The following APIP variants were observed in gnomAD, a reference collection of about 807,000 sequenced individuals.
APIP encodes APAF1 interacting protein.
Under a neutral mutation model 32.0 loss-of-function variants are expected in APIP, and 32 were observed. The ratio of observed to expected loss-of-function variants is 1.00; its 90% CI spans 0.76 to 1.34. APIP has a LOEUF of 1.34. Ranked by LOEUF, APIP falls within the 40% of genes most tolerant of loss-of-function variation. The pLI is 0.00. For missense variants in APIP, 247 were observed against 298.6 expected (o/e 0.83, Z 1.27); for synonymous variants, 92 against 94.8 (o/e 0.97, Z 0.17).
chr11:34,899,738 A>C (rs901817280), intron 1 of APIP, among the ~76,000 whole-genome samples: 4 of 152,194 alleles, frequency 2.6e-5, no homozygotes, highest in African/African-American at 9.7e-5. Context: ...CTCTGGTGCC[A>C]TGGCTTGGAG....
chr11:34,909,835 T>A (rs189722239), intron 1 of APIP, among the ~76,000 whole-genome samples: 1 of 152,278 alleles, frequency 6.6e-6, no homozygotes, highest in East Asian at 1.9e-4. Context: ...TGAGCTCTAG[T>A]GGAGGAACTG....
chr11:34,912,435 T>C (rs11606257), intron 1 of APIP, among the ~76,000 whole-genome samples: 7,939 of 152,286 alleles, frequency 0.052, 256 homozygotes, highest in Middle Eastern at 0.099. Flanking sequence ...CTCTCCTAGC[T>C]TGAAAGCAAT....
chr11:34,884,355 C>T (rs183651917), intron 5 of APIP, among the ~76,000 whole-genome samples: 5 of 152,320 alleles, frequency 3.3e-5, no homozygotes, highest in Admixed American at 3.3e-4. Context: ...TGACTGATAA[C>T]TTGGCCAACC....
chr11:34,892,198 A>T (rs1279810675), intron 2 of APIP, among the ~76,000 whole-genome samples: 1 of 152,202 alleles, frequency 6.6e-6, no homozygotes, highest in Non-Finnish European at 1.5e-5. Context: ...AGATATCTGG[A>T]TAAAAATATA....
At chr11:34,902,492 T>TAGGATACATGAAGTATCTG (rs1565137997) in intron 1 of APIP, among the ~76,000 whole-genome samples, 110 of 151,844 alleles carry the variant, frequency 7.2e-4, no homozygotes, top group African/African-American at 2.6e-3. Flanking sequence ...GGATTAGTAC[T>TAGGATACATGAAGTATCTG]GTCCAAGGGG....
intron 1 of APIP, among the ~76,000 whole-genome samples, chr11:34,895,511 T>C (rs1853254879): frequency 6.6e-6 from 1 of 152,152 alleles, no homozygotes. Context: ...GATATATACA[T>C]GAGATATTAT....
intron 2 of APIP, 73 bp downstream of exon 2, chr11:34,894,937 A>G (rs1326940): frequency 0.66 from 849,886 of 1,281,856 alleles, 285,728 homozygotes; most frequent in East Asian, 0.73. Context: ...TGTTCTTTGG[A>G]TATAACACAT....
At chr11:34,884,656 C>T (rs1184122615) in intron 5 of APIP, among the ~76,000 whole-genome samples, 1 of 151,256 alleles carries the variant, frequency 6.6e-6, no homozygotes, top group Non-Finnish European at 1.5e-5. Context: ...GCCTGGGAGG[C>T]GGAGGTTGCA....
At chr11:34,886,504 T>C (rs1327592781) in intron 5 of APIP, among the ~76,000 whole-genome samples, 1 of 151,830 alleles carries the variant, frequency 6.6e-6, no homozygotes, top group Non-Finnish European at 1.5e-5. Flanking sequence ...TATTAAGAAA[T>C]GTTTTCAATA....
chr11:34,889,873 G>A (rs11032916), intron 3 of APIP, among the ~76,000 whole-genome samples: 57,152 of 151,782 alleles, frequency 0.38, 11,125 homozygotes, highest in East Asian at 0.74. Context: ...ATTTTCTTTC[G>A]CCAGTCTACT....
intron 1 of APIP, among the ~76,000 whole-genome samples, chr11:34,912,575 G>A (rs1262877373): frequency 1.3e-5 from 2 of 152,172 alleles, no homozygotes; most frequent in Non-Finnish European, 2.9e-5. Context: ...GCTGGGAAAG[G>A]CAGGCCCACC....
chr11:34,910,297 G>A (rs961698405), intron 1 of APIP, among the ~76,000 whole-genome samples: 2 of 152,166 alleles, frequency 1.3e-5, no homozygotes, highest in Non-Finnish European at 2.9e-5. Flanking sequence ...CAATAGACTG[G>A]GTGTGGAAGC....
At chr11:34,915,960 C>T (rs1209063113) in intron 1 of APIP, 1 of 568,974 alleles carries the variant, frequency 1.8e-6, no homozygotes, top group African/African-American at 2.0e-5. Context: ...TAAACGCTCT[C>T]CTCTCTCAGT....
chr11:34,892,802 T>C (rs1444742257), intron 2 of APIP, among the ~76,000 whole-genome samples: 1 of 152,180 alleles, frequency 6.6e-6, no homozygotes, highest in South Asian at 2.1e-4. Context: ...ACATAATTTA[T>C]TGCGTTTGCA....
chr11:34,898,908 C>G (rs1236289603), intron 1 of APIP, among the ~76,000 whole-genome samples: 1 of 148,066 alleles, frequency 6.8e-6, no homozygotes, highest in Non-Finnish European at 1.5e-5. Flanking sequence ...ACGCCATTCT[C>G]CTGCCTCAGC....
chr11:34,908,725 G>A (rs190969657), intron 1 of APIP, among the ~76,000 whole-genome samples: 4 of 152,282 alleles, frequency 2.6e-5, no homozygotes, highest in African/African-American at 9.6e-5. Flanking sequence ...GTTCTATGTT[G>A]GTATTTCTTA....
chr11:34,901,867 C>CG (rs1163461859), intron 1 of APIP, among the ~76,000 whole-genome samples: 2 of 152,138 alleles, frequency 1.3e-5, no homozygotes. Context: ...ACTTCTTTTC[C>CG]TAACCAGAGA....
At chr11:34,907,633 A>T (rs1209157854) in intron 1 of APIP, among the ~76,000 whole-genome samples, 1 of 152,224 alleles carries the variant, frequency 6.6e-6, no homozygotes, top group African/African-American at 2.4e-5. Context: ...AGAATTGACA[A>T]GAAGGAAAGG....
intron 2 of APIP, 79 bp downstream of exon 2, chr11:34,894,931 C>G (rs1853242183): frequency 2.4e-6 from 3 of 1,246,532 alleles, no homozygotes; most frequent in Non-Finnish European, 2.4e-6. Context: ...ATCAGTTGTT[C>G]TTTGGATATA....
Sources: gnomAD v4.1 joint callset for allele counts (sites outside exome capture counted in the v4.1 genomes callset) on GRCh38, gnomAD v4.1.1 for gene constraint, MANE v1.5 for transcripts, NCBI Gene and HGNC (gene_info 2026-07-23, HGNC 2026-07-21) for gene names.